Variants in SLC8A3 observed in about 807,000 individuals in gnomAD.
SLC8A3 encodes sodium/calcium exchanger 3.
In SLC8A3, 37 loss-of-function variants were observed where a neutral mutation model predicts 65.4. The observed-to-expected ratio is 0.57, with a 90% CI of 0.44 to 0.74. The LOEUF is 0.74. SLC8A3 is among the 30% of genes least tolerant of loss of function. SLC8A3 has a pLI of 0.00. For synonymous variants in SLC8A3, 461 were observed against 444.5 expected (o/e 1.04, Z -0.47); for missense variants, 1,112 against 1,172.1 (o/e 0.95, Z 0.75).
At chr14:70,163,794 G>A (rs1594787301) in intron 2 of SLC8A3, among the ~76,000 whole-genome samples, 3 of 152,232 alleles carry the variant, frequency 2.0e-5, no homozygotes, top group South Asian at 2.1e-4. Context: ...TTAGAAATGC[G>A]GAATCTCAAT....
At chr14:70,095,362 C>T (rs1247051375) in intron 2 of SLC8A3, among the ~76,000 whole-genome samples, 2 of 152,338 alleles carry the variant, frequency 1.3e-5, no homozygotes, top group Non-Finnish European at 2.9e-5. Flanking sequence ...AAATCAGACG[C>T]CACATCCAGT....
chr14:70,066,019 C>A (rs1889385186), intron 2 of SLC8A3, among the ~76,000 whole-genome samples: 1 of 152,228 alleles, frequency 6.6e-6, no homozygotes, highest in Non-Finnish European at 1.5e-5. Flanking sequence ...TGTGACATAG[C>A]ATGGCTCGTG....
At chr14:70,159,276 G>T (rs1021531542) in intron 2 of SLC8A3, among the ~76,000 whole-genome samples, 6 of 152,138 alleles carry the variant, frequency 3.9e-5, no homozygotes, top group Non-Finnish European at 5.9e-5. Flanking sequence ...AGGCATGGTA[G>T]CATATGCCTG....
At chr14:70,056,029 C>T in intron 3 of SLC8A3, among the ~76,000 whole-genome samples, 1 of 152,150 alleles carries the variant, frequency 6.6e-6, no homozygotes, top group East Asian at 1.9e-4. Context: ...GGCTGCTGAG[C>T]ACCAGGGCCC....
intron 2 of SLC8A3, among the ~76,000 whole-genome samples, chr14:70,164,348 C>T (rs952017347): frequency 2.6e-5 from 4 of 152,010 alleles, no homozygotes; most frequent in Non-Finnish European, 5.9e-5. Flanking sequence ...AGGGGTGCCA[C>T]GTGAGAACAG....
chr14:70,130,166 T>A (rs915134828), intron 2 of SLC8A3, among the ~76,000 whole-genome samples: 5 of 152,262 alleles, frequency 3.3e-5, no homozygotes, highest in Non-Finnish European at 7.3e-5. Context: ...TGAAAGATTA[T>A]CGGTAGGAGC....
At chr14:70,058,885 T>C (rs1187678171) in intron 3 of SLC8A3, among the ~76,000 whole-genome samples, 1 of 152,182 alleles carries the variant, frequency 6.6e-6, no homozygotes, top group Non-Finnish European at 1.5e-5. Flanking sequence ...TGACTTACAA[T>C]TGGCCTTGGG....
intron 2 of SLC8A3, among the ~76,000 whole-genome samples, chr14:70,067,797 G>C (rs966873739): frequency 1.3e-5 from 2 of 152,188 alleles, no homozygotes; most frequent in African/African-American, 4.8e-5. Flanking sequence ...GCAACCCAGG[G>C]TATAACTTAC....
chr14:70,055,778 G>A (rs1467996507), intron 3 of SLC8A3: 1 of 1,603,820 alleles, frequency 6.2e-7, no homozygotes, highest in Non-Finnish European at 8.5e-7. Flanking sequence ...GAAAAGAGGG[G>A]GACAAGACAC....
intron 3 of SLC8A3, among the ~76,000 whole-genome samples, chr14:70,052,643 A>T (rs1419471028): frequency 3.3e-5 from 5 of 152,182 alleles, no homozygotes; most frequent in African/African-American, 4.8e-5. Flanking sequence ...TGATGAGTCC[A>T]TTTTAAGAGC....
In SLC8A3 at chr14:70,119,756, A is replaced by T. The variant is rs1893920331; in HGVS notation, c.1784+46883T>A. Among the ~76,000 whole-genome samples, 7 of 152,358 alleles carry T rather than the reference A, an allele frequency of 4.6e-5. No homozygotes were observed. The South Asian group carries it at 1.5e-3, about 32-fold the overall frequency. ...CCATCAACTTTTTCATCTATACGTT[A>T]AAGAGGACAATAACCTCATAGGATT... On this transcript the variant is annotated intron_variant, in intron 2 of 6. Transcript: ENST00000356921.
rs148200779 is a variant in SLC8A3 at position 70,168,267 on chromosome 14, C to A, written c.156G>T (p.Ser52=). Residue 52 remains serine (S), a synonymous_variant, in exon 2 of 7, where the codon TCG becomes TCT. Coordinates refer to ENST00000356921, the MANE Select transcript of SLC8A3 (RefSeq NM_182932.3). ...GQNNESCSGS[S]DCKEGVILPI... The stretch of plus-strand genomic sequence containing the variant: ...GCAGGATGACACCCTCCTTGCAGTC[C>A]GATGACCCTGAACAGGACTCATTGT... The A allele has an allele frequency of 1.1e-4, 175 of 1,614,030 alleles. No homozygotes were observed. Among genetic ancestry groups the A allele is most frequent in the Non-Finnish European group, 1.5e-4 (174 of 1,180,034 alleles).
chr14:70,159,959 C>T (rs1275250747), intron 2 of SLC8A3, among the ~76,000 whole-genome samples: 1 of 152,188 alleles, frequency 6.6e-6, no homozygotes, highest in African/African-American at 2.4e-5. Context: ...CCTTCACATC[C>T]ATGGGCTCCA....
chr14:70,171,555 C>A (rs1897535723), intron 1 of SLC8A3, among the ~76,000 whole-genome samples: 1 of 152,160 alleles, frequency 6.6e-6, no homozygotes, highest in Non-Finnish European at 1.5e-5. Context: ...AATCCCAGCA[C>A]TTTGGAAGGT....
chr14:70,047,093 C>T (rs1886875032), intron 6 of SLC8A3: 1 of 152,192 alleles, frequency 6.6e-6, no homozygotes, highest in Non-Finnish European at 1.5e-5. Flanking sequence ...TCCATACCTT[C>T]AACTATATCC....
intron 2 of SLC8A3, among the ~76,000 whole-genome samples, chr14:70,152,518 C>A (rs972253967): frequency 6.8e-6 from 1 of 147,678 alleles, no homozygotes; most frequent in South Asian, 2.2e-4. Flanking sequence ...ACAACAACAA[C>A]AAGTTCAGTC....
At position 70,051,222 on chromosome 14, in the gene SLC8A3, C is replaced by T. The variant is rs575727680; in HGVS notation, c.2014-115G>A. 603 of 703,410 alleles carry T rather than the reference C, an allele frequency of 8.6e-4. 3 individuals are homozygous for T. The highest frequency in any genetic ancestry group is 6.4e-4 in the Non-Finnish European group (252 of 392,184). 43.6% of individuals were successfully genotyped at this position (703,410 alleles called of 1,614,324 possible). A position where few individuals can be genotyped will look rare whatever the true frequency, so the allele number is the denominator to read the frequency against. ...TGTCTCCAAGGTGTTCTGACAGTTA[C>T]GCATGGAATGGCCTTGGGCGATCTC... is the stretch of plus-strand genomic sequence containing the variant. On this transcript the variant is annotated intron_variant, in intron 4 of 6. Coordinates refer to ENST00000356921, the MANE Select transcript of SLC8A3 (RefSeq NM_182932.3).
intron 2 of SLC8A3, among the ~76,000 whole-genome samples, chr14:70,123,291 C>T (rs1894209818): frequency 6.6e-6 from 1 of 151,810 alleles, no homozygotes; most frequent in Admixed American, 6.6e-5. Flanking sequence ...AATTATTCCA[C>T]CTTTTAAAAT....
At chr14:70,101,664 G>A (rs529255420) in intron 2 of SLC8A3, among the ~76,000 whole-genome samples, 1 of 152,260 alleles carries the variant, frequency 6.6e-6, no homozygotes, top group East Asian at 1.9e-4. Context: ...TGGAGGAACT[G>A]GTACTAGAAA....
Sources: allele counts gnomAD v4.1 joint callset (sites outside exome capture counted in the v4.1 genomes callset), GRCh38; gene constraint gnomAD v4.1.1; transcripts MANE v1.5; gene names NCBI Gene and HGNC (gene_info 2026-07-23, HGNC 2026-07-21).